TGFBRAP1: variants seen among roughly 807,000 people sequenced by gnomAD.
TGFBRAP1 encodes transforming growth factor-beta receptor-associated protein 1.
In TGFBRAP1, 20 loss-of-function variants were observed where a neutral mutation model predicts 83.2. The observed-to-expected ratio is 0.24, with a 90% CI of 0.17 to 0.35. TGFBRAP1 has a LOEUF of 0.35. Ranked by LOEUF, TGFBRAP1 falls within the 10% of genes least tolerant of loss-of-function variation. The pLI, the probability that TGFBRAP1 is intolerant of heterozygous loss-of-function variation, is 1.00. For missense variants in TGFBRAP1, 950 were observed against 1,099.4 expected (o/e 0.86, Z 1.92); for synonymous variants, 415 against 459.8 (o/e 0.90, Z 1.25).
At chr2:105,292,446 G>A (rs1014281204) in intron 4 of TGFBRAP1, among the ~76,000 whole-genome samples, 1 of 152,124 alleles carries the variant, frequency 6.6e-6, no homozygotes, top group Admixed American at 6.5e-5. Context: ...AAGTGGGGAA[G>A]CAACAGACAA....
At chr2:105,320,188 A>G (rs1679014724) in intron 1 of TGFBRAP1, among the ~76,000 whole-genome samples, 1 of 152,202 alleles carries the variant, frequency 6.6e-6, no homozygotes, top group Non-Finnish European at 1.5e-5. Flanking sequence ...ATTACTTCAC[A>G]GCTTATAAAT....
In TGFBRAP1 at chr2:105,269,752, A is replaced by T. The variant is rs1310669926; in HGVS notation, c.1973-47T>A. 1 of 1,448,506 alleles carries T rather than the reference A, an allele frequency of 6.9e-7. No homozygotes were observed. The highest frequency in any genetic ancestry group is 2.4e-5 in the East Asian group (1 of 41,260). 89.7% of individuals were successfully genotyped at this position (1,448,506 alleles called of 1,614,324 possible). On this transcript the variant is annotated intron_variant, in intron 10 of 11. Coordinates refer to ENST00000393359, the MANE Select transcript of TGFBRAP1 (RefSeq NM_004257.6). This position sits in a 1 kb window ranked among gnomAD's most constrained non-coding sequence, Gnocchi z 4.1. ...TCAGAAAGAAAGGGGCTCGCCGGCC[A>T]CCCGCCCAGCGACTGGCCTCCTTGC...
rs1204901895 is a variant in TGFBRAP1 at position 105,307,596 on chromosome 2, C to T, written c.688+18G>A. On this transcript the variant is annotated intron_variant, in intron 2 of 11. Coordinates refer to ENST00000393359, the MANE Select transcript of TGFBRAP1 (RefSeq NM_004257.6). Reference sequence around the variant, plus strand: ...AGGCCACCCAAAAAGATCAGGCGCACAAATGCATCCTCCTCACCCAGCCCT... The same window carrying T: ...AGGCCACCCAAAAAGATCAGGCGCATAAATGCATCCTCCTCACCCAGCCCT... 1 of 1,586,712 alleles carries T rather than the reference C, an allele frequency of 6.3e-7. No homozygotes were observed. The highest frequency in any genetic ancestry group is 8.6e-7 in the Non-Finnish European group (1 of 1,168,612).
intron 11 of TGFBRAP1, among the ~76,000 whole-genome samples, chr2:105,268,896 C>T (rs1677042906): frequency 6.6e-6 from 1 of 152,354 alleles, no homozygotes; most frequent in East Asian, 1.9e-4. Flanking sequence ...AATGGAGATG[C>T]TGACAGTAAA....
At chr2:105,273,134 C>A (rs1040100257) in intron 9 of TGFBRAP1, 120 bp from the exon 10 acceptor site, 12 of 1,281,506 alleles carry the variant, frequency 9.4e-6, no homozygotes, top group Admixed American at 2.4e-5. Flanking sequence ...TGGGCAGATG[C>A]TCACTTGCTG....
chr2:105,298,505 G>A lies in TGFBRAP1; in HGVS notation c.883+6C>T. 9 of 1,565,926 alleles carry A rather than the reference G, an allele frequency of 5.7e-6. No individual in the cohort carries two copies. The Middle Eastern group carries it at 6.8e-4, about 119-fold the overall frequency. On this transcript the variant is annotated splice_donor_region_variant and intron_variant, in intron 3 of 11. Coordinates refer to ENST00000393359, the MANE Select transcript of TGFBRAP1 (RefSeq NM_004257.6). ...ATTTCACTAAGACTTCTATGTGAAT[G>A]AGTACCTTCAAAGTCCTGTAGGATA...
the TGFBRAP1 span, among the ~76,000 whole-genome samples, chr2:105,256,975 G>A: frequency 1.3e-5 from 2 of 152,240 alleles, no homozygotes; most frequent in Admixed American, 6.5e-5. Flanking sequence ...CCATGGCAAC[G>A]TCAGGAAGTT....
At chr2:105,298,992 A>C (rs1678187155) in intron 2 of TGFBRAP1, among the ~76,000 whole-genome samples, 1 of 152,200 alleles carries the variant, frequency 6.6e-6, no homozygotes, top group Admixed American at 6.5e-5. Context: ...ATAAAAAATA[A>C]AATAGGCCGG....
chr2:105,304,736 T>A (rs1678437325), intron 2 of TGFBRAP1, among the ~76,000 whole-genome samples: 1 of 152,188 alleles, frequency 6.6e-6, no homozygotes, highest in Non-Finnish European at 1.5e-5. Context: ...TGAGCCGAGA[T>A]GGCACCACTG....
chr2:105,297,409 T>TCAACAGGCACCGCACCA (rs1194115854), intron 3 of TGFBRAP1, among the ~76,000 whole-genome samples: 2 of 152,124 alleles, frequency 1.3e-5, no homozygotes, highest in Non-Finnish European at 2.9e-5. Flanking sequence ...ACTCTACCAC[T>TCAACAGGCACCGCACCA]CAACAGGCAC....
chr2:105,287,156 G>A lies in TGFBRAP1; in HGVS notation c.1039-2758C>T, dbSNP rs541252063. Among the ~76,000 whole-genome samples, 32 of 151,698 alleles carry A rather than the reference G, an allele frequency of 2.1e-4. 1 individual carries two copies. The South Asian group carries it at 4.6e-3, about 22-fold the overall frequency. Reference sequence around the variant, plus strand: ...GGTCCCTAGTGCAGTCAGATTCATAGAGACAGAAAGCAGAATGGGGGCTGC... The same window carrying A: ...GGTCCCTAGTGCAGTCAGATTCATAAAGACAGAAAGCAGAATGGGGGCTGC... On this transcript the variant is annotated intron_variant, in intron 4 of 11. Transcript: ENST00000393359.
At chr2:105,327,561 C>T (rs1679258623) in intron 1 of TGFBRAP1, among the ~76,000 whole-genome samples, 1 of 152,082 alleles carries the variant, frequency 6.6e-6, no homozygotes, top group African/African-American at 2.4e-5. Context: ...GAGCAAGACC[C>T]TGTCTCAAAA....
chr2:105,253,805 A>G, the TGFBRAP1 span, among the ~76,000 whole-genome samples: 2 of 152,238 alleles, frequency 1.3e-5, no homozygotes, highest in Non-Finnish European at 2.9e-5. Flanking sequence ...TGTAAAAACA[A>G]AACAAAAACC....
At chr2:105,305,369 C>T (rs1477744408) in intron 2 of TGFBRAP1, among the ~76,000 whole-genome samples, 1 of 152,162 alleles carries the variant, frequency 6.6e-6, no homozygotes, top group South Asian at 2.1e-4. Context: ...GCGCTCTCAC[C>T]AGCATCCCTG....
chr2:105,283,427 T>C (rs1170710088), intron 5 of TGFBRAP1, among the ~76,000 whole-genome samples: 1 of 152,250 alleles, frequency 6.6e-6, no homozygotes, highest in Non-Finnish European at 1.5e-5. Context: ...GGAGGCATTC[T>C]GCTCAAGTCA....
At chr2:105,257,514 T>C in the TGFBRAP1 span, among the ~76,000 whole-genome samples, 1 of 152,206 alleles carries the variant, frequency 6.6e-6, no homozygotes. Context: ...TCACACAGTA[T>C]GTGTCCTTTT....
At position 105,271,659 on chromosome 2, in the gene TGFBRAP1, G is replaced by A. The variant is rs550895971; in HGVS notation, c.1972+1196C>T. Reference sequence around the variant, plus strand: ...GGAAAAACAGGCCTCACTTCACAGGGTTGTTGTGGAAACTGTGTCATAAGG... The same window carrying A: ...GGAAAAACAGGCCTCACTTCACAGGATTGTTGTGGAAACTGTGTCATAAGG... On this transcript the variant is annotated intron_variant, in intron 10 of 11. Transcript: ENST00000393359. Among the ~76,000 whole-genome samples, 5 of 152,310 alleles carry A rather than the reference G, an allele frequency of 3.3e-5. No individual in the cohort carries two copies. In the East Asian group the frequency reaches 5.8e-4, roughly 18 times the overall value.
chr2:105,306,030 C>A (rs1162391833), intron 2 of TGFBRAP1, among the ~76,000 whole-genome samples: 1 of 151,512 alleles, frequency 6.6e-6, no homozygotes, highest in Non-Finnish European at 1.5e-5. Flanking sequence ...TACCAGGAAC[C>A]CTTACGGAGT....
chr2:105,267,389 C>G lies in TGFBRAP1; in HGVS notation c.2577G>C (p.Arg859=), dbSNP rs1054564903. 3 of 1,614,114 alleles carry G rather than the reference C, an allele frequency of 1.9e-6. No individual in the cohort carries two copies. The highest frequency in any genetic ancestry group is 3.3e-5 in the Admixed American group (2 of 60,028). ...TNPSSSSPGT[R]T ...CACCCTTGGGCCAAGCTTTTCAAGT[C>G]CGAGTGCCAGGACTGGATGAGCTGG... Residue 859 remains arginine, a synonymous_variant, in exon 12 of 12, where the codon CGG becomes CGC. Coordinates refer to ENST00000393359, the MANE Select transcript of TGFBRAP1 (RefSeq NM_004257.6).
Sources: allele counts gnomAD v4.1 joint callset (sites outside exome capture counted in the v4.1 genomes callset), GRCh38; gene constraint gnomAD v4.1.1; non-coding constraint Gnocchi (gnomAD v3.1); transcripts MANE v1.5; gene names NCBI Gene and HGNC (gene_info 2026-07-23, HGNC 2026-07-21).